Variants in KDM6A observed in about 807,000 individuals in gnomAD.
The protein encoded by KDM6A is lysine-specific demethylase 6A.
In KDM6A, 11 loss-of-function variants were observed where a neutral mutation model predicts 117.6. The observed-to-expected ratio is 0.09, with a 90% CI of 0.06 to 0.15. The LOEUF (loss-of-function observed/expected upper bound fraction) is 0.15, where lower values mean the gene tolerates loss of function less well. Ranked by LOEUF, KDM6A falls within the 10% of genes least tolerant of loss-of-function variation. KDM6A has a pLI of 1.00. For synonymous variants in KDM6A, 384 were observed against 396.1 expected (o/e 0.97, Z 0.36); for missense variants, 799 against 1,077.3 (o/e 0.74, Z 3.62).
chrX:45,005,697 T>C (rs1202640328), intron 4 of KDM6A, among the ~76,000 whole-genome samples: 5 of 110,801 alleles, frequency 4.5e-5, no homozygotes, highest in Admixed American at 3.8e-4. Context: ...GGGATATCTT[T>C]GTTACCATCT....
intron 2 of KDM6A, among the ~76,000 whole-genome samples, chrX:44,932,972 C>T (rs1257135435): frequency 9.3e-6 from 1 of 107,437 alleles, no homozygotes; most frequent in Non-Finnish European, 1.9e-5. Context: ...ACTGCAACCT[C>T]TGCCTCCCGG....
rs771209310 is a variant in KDM6A at position 45,021,118 on chromosome X, T to A, written c.564+388T>A. ...TTTTCTGTGACCCAATCATTGACCC[T>A]GTTTCCATGGGTCTCAGTACTTCTA... On this transcript the variant is annotated intron_variant, in intron 6 of 29. Transcript: ENST00000611820. Among the ~76,000 whole-genome samples the A allele has an allele frequency of 2.7e-5, 3 of 111,578 alleles. No homozygotes were observed. The South Asian group carries it at 1.1e-3, about 42-fold the overall frequency.
At chrX:44,878,333 GT>G (rs2031894085) in intron 2 of KDM6A, among the ~76,000 whole-genome samples, 1 of 111,705 alleles carries the variant, frequency 9.0e-6, no homozygotes, top group Non-Finnish European at 1.9e-5. Context: ...GATGGCTAGT[GT>G]TTTGGTTAGA....
intron 5 of KDM6A, among the ~76,000 whole-genome samples, chrX:45,013,905 G>A (rs138001258): frequency 0.015 from 1,688 of 111,940 alleles, 16 homozygotes; most frequent in Non-Finnish European, 0.025. Context: ...AGCTTATTTA[G>A]GTTAAAACTA....
chrX:44,893,323 G>C (rs2033542524), intron 2 of KDM6A, among the ~76,000 whole-genome samples: 1 of 111,281 alleles, frequency 9.0e-6, no homozygotes, highest in Admixed American at 9.6e-5. Context: ...TGTTTACTTA[G>C]GTCTTCTTTG....
chrX:45,069,971 A>G lies in KDM6A; in HGVS notation c.2472A>G (p.Leu824=), dbSNP rs1183174709. 9.9e-6 allele frequency: 12 copies of G among 1,212,075 alleles called. No individual in the cohort carries two copies. Among genetic ancestry groups the G allele is most frequent in the Non-Finnish European group, 1.2e-5 (11 of 895,577 alleles). The change falls in exon 18 of 30, where the codon TTA becomes TTG. Residue 824 remains leucine, a synonymous_variant. Coordinates refer to ENST00000611820, the MANE Select transcript of KDM6A (RefSeq NM_001291415.2). ...ATGGAGATTCTAAGTCACCAGGTTTACTAAGTTCAGACAATCCTCAGCTCT... is the reference window on the plus strand; with the variant it reads ...ATGGAGATTCTAAGTCACCAGGTTTGCTAAGTTCAGACAATCCTCAGCTCT... ...PSHGDSKSPG[L]LSSDNPQLSA... is the part of the protein sequence containing the mutation.
In KDM6A at chrX:44,972,771, C is replaced by T. The variant is rs756448786; in HGVS notation, c.335-1895C>T. On this transcript the variant is annotated intron_variant, in intron 3 of 29. Transcript: ENST00000611820. ...TCAAATCAGGCCGGTCATGGTGGCT[C>T]ACACCTGTAATCCCACACTTTGGGA... 2.7e-5 allele frequency among the ~76,000 whole-genome samples: 3 copies of T among 111,498 alleles called. No homozygotes were observed. The East Asian group carries it at 8.5e-4, about 31-fold the overall frequency.
intron 10 of KDM6A, among the ~76,000 whole-genome samples, chrX:45,057,372 GC>G (rs901035114): frequency 4.5e-5 from 5 of 111,130 alleles, no homozygotes; most frequent in African/African-American, 1.6e-4. Flanking sequence ...CTAAGTTACA[GC>G]CCCCACCCTG....
At chrX:45,033,005 G>A (rs1319443507) in intron 6 of KDM6A, among the ~76,000 whole-genome samples, 2 of 112,171 alleles carry the variant, frequency 1.8e-5, no homozygotes, top group African/African-American at 6.5e-5. Flanking sequence ...TGGGGTTTCA[G>A]TGAAATAGTA....
chrX:44,936,578 T>C (rs1046924880), intron 2 of KDM6A, among the ~76,000 whole-genome samples: 2 of 111,869 alleles, frequency 1.8e-5, no homozygotes, highest in East Asian at 5.6e-4. Context: ...ACCATAATCA[T>C]TGTTACTACT....
At chrX:45,060,320 T>C (rs1056569604) in intron 13 of KDM6A, among the ~76,000 whole-genome samples, 164 bp downstream of exon 13, 1 of 112,317 alleles carries the variant, frequency 8.9e-6, no homozygotes, top group East Asian at 2.8e-4. Flanking sequence ...CCCTCTAATA[T>C]GGGAAGAGAT....
At chrX:44,887,736 A>G (rs1275107868) in intron 2 of KDM6A, among the ~76,000 whole-genome samples, 2 of 110,936 alleles carry the variant, frequency 1.8e-5, no homozygotes, top group African/African-American at 6.6e-5. Flanking sequence ...TTTGCTTGGG[A>G]GGGTAAGTGT....
chrX:44,934,446 T>C (rs1391704868), intron 2 of KDM6A, among the ~76,000 whole-genome samples: 1 of 112,306 alleles, frequency 8.9e-6, no homozygotes, highest in Non-Finnish European at 1.9e-5. Context: ...TTATTTTAAC[T>C]TTCTTCCTCC....
chrX:45,111,297 A>G lies in KDM6A; in HGVS notation c.4333-85A>G, dbSNP rs376247644. 7 of 801,532 alleles carry G rather than the reference A, an allele frequency of 8.7e-6. 1 individual carries two copies. The highest frequency in any genetic ancestry group is 6.1e-5 in the African/African-American group (3 of 49,192). The allele number at this position is 801,532 out of a possible 1,213,427, so 66.1% of individuals were successfully genotyped here. A position where few individuals can be genotyped will look rare whatever the true frequency, so the allele number is the denominator to read the frequency against. On this transcript the variant is annotated intron_variant, in intron 29 of 29. Coordinates refer to ENST00000611820, the MANE Select transcript of KDM6A (RefSeq NM_001291415.2). ...GAACTTTTTGAGAGTTATTTCCCCTAACTTCACAAGCAGACTATATGTTTG... is the reference window on the plus strand; with the variant it reads ...GAACTTTTTGAGAGTTATTTCCCCTGACTTCACAAGCAGACTATATGTTTG...
intron 4 of KDM6A, among the ~76,000 whole-genome samples, chrX:44,988,061 T>C (rs113293410): frequency 0.04 from 4,536 of 112,049 alleles, 83 homozygotes; most frequent in Middle Eastern, 0.078. Context: ...GACGTAGATT[T>C]GGTCTTTTCA....
chrX:44,931,724 A>C (rs1259497048), intron 2 of KDM6A, among the ~76,000 whole-genome samples: 1 of 111,792 alleles, frequency 8.9e-6, no homozygotes, highest in Non-Finnish European at 1.9e-5. Flanking sequence ...AGAGAGGATT[A>C]GTGTTTGATG....
chrX:44,898,287 T>A (rs2034052574), intron 2 of KDM6A, among the ~76,000 whole-genome samples: 1 of 111,953 alleles, frequency 8.9e-6, no homozygotes, highest in African/African-American at 3.3e-5. Context: ...CACTGGCATT[T>A]GAGAATGGCT....
At chrX:44,877,044 C>T (rs768334292) in intron 2 of KDM6A, among the ~76,000 whole-genome samples, 10 of 96,805 alleles carry the variant, frequency 1.0e-4, no homozygotes, top group Non-Finnish European at 2.0e-4. Flanking sequence ...TATATACATA[C>T]GTATGTATAT....
chrX:44,873,899 G>T (rs1018832391), intron 1 of KDM6A, 25 bp from the exon 2 acceptor site: 1 of 1,204,096 alleles, frequency 8.3e-7, no homozygotes, highest in East Asian at 3.0e-5. Flanking sequence ...GAGCGTTAAC[G>T]AGTAAACTGT....
Sources: gnomAD v4.1 joint callset for allele counts (sites outside exome capture counted in the v4.1 genomes callset) on GRCh38, gnomAD v4.1.1 for gene constraint, MANE v1.5 for transcripts, NCBI Gene and HGNC (gene_info 2026-07-23, HGNC 2026-07-21) for gene names.